The following ASB3 variants were observed in gnomAD, a reference collection of about 807,000 sequenced individuals.
The protein encoded by ASB3 is ankyrin repeat and SOCS box containing 3.
ASB3 carries 41 observed loss-of-function variants against 54.5 expected under a neutral mutation model. That is an observed-to-expected ratio of 0.75 (90% confidence interval 0.59 to 0.98). The LOEUF (loss-of-function observed/expected upper bound fraction) is 0.98. Ranked by LOEUF, ASB3 falls within the 50% of genes least tolerant of loss-of-function variation. The pLI, the probability that ASB3 is intolerant of heterozygous loss-of-function variation, is 0.00. For missense variants in ASB3, 733 were observed against 620.0 expected (o/e 1.18, Z -1.94); for synonymous variants, 266 against 221.2 (o/e 1.20, Z -1.80).
At chr2:53,678,053 C>T (rs1668174628) in intron 9 of ASB3, among the ~76,000 whole-genome samples, 1 of 151,656 alleles carries the variant, frequency 6.6e-6, no homozygotes, top group African/African-American at 2.4e-5. Flanking sequence ...GTTTTGTATG[C>T]TTATGTTGAT....
At chr2:53,758,876 G>C (rs1012827079) in intron 2 of ASB3, among the ~76,000 whole-genome samples, 7 of 152,194 alleles carry the variant, frequency 4.6e-5, no homozygotes, top group African/African-American at 1.7e-4. Flanking sequence ...ATATATTCTG[G>C]AGAATTCGGC....
chr2:53,673,258 T>C (rs1480634162), intron 9 of ASB3, among the ~76,000 whole-genome samples: 1 of 152,184 alleles, frequency 6.6e-6, no homozygotes, highest in Non-Finnish European at 1.5e-5. Flanking sequence ...CTTAGGAACA[T>C]GAATACTTAC....
chr2:53,711,825 A>G (rs1164285176), intron 7 of ASB3, among the ~76,000 whole-genome samples: 1 of 151,950 alleles, frequency 6.6e-6, no homozygotes, highest in Non-Finnish European at 1.5e-5. Context: ...GGGTCACTTC[A>G]CCAAGTTACC....
At chr2:53,697,517 C>T (rs1316607641) in intron 8 of ASB3, among the ~76,000 whole-genome samples, 1 of 152,084 alleles carries the variant, frequency 6.6e-6, no homozygotes, top group African/African-American at 2.4e-5. Flanking sequence ...GATTGGGACC[C>T]CTTTCCAGTA....
chr2:53,691,962 T>G (rs1446902884), intron 9 of ASB3, among the ~76,000 whole-genome samples: 1 of 151,856 alleles, frequency 6.6e-6, no homozygotes, highest in Non-Finnish European at 1.5e-5. Context: ...AACACAAGAG[T>G]CACTGTGGAT....
At chr2:53,717,790 C>T (rs1362086205) in intron 5 of ASB3, among the ~76,000 whole-genome samples, 2 of 152,010 alleles carry the variant, frequency 1.3e-5, no homozygotes, top group South Asian at 2.1e-4. Context: ...CACAAAGAAA[C>T]TTCTAAAGCA....
intron 1 of ASB3, among the ~76,000 whole-genome samples, chr2:53,772,463 C>T (rs1372358229): frequency 6.6e-6 from 1 of 151,978 alleles, no homozygotes; most frequent in Non-Finnish European, 1.5e-5. Context: ...CATGAGCCAC[C>T]GCGCCCAGCC....
At chr2:53,727,768 C>A (rs1671087080) in intron 5 of ASB3, among the ~76,000 whole-genome samples, 2 of 152,130 alleles carry the variant, frequency 1.3e-5, no homozygotes, top group South Asian at 2.1e-4. Context: ...CTCTGTTGCC[C>A]AGGCTGGAGT....
At chr2:53,783,996 T>C (rs1299319075) in intron 1 of ASB3, among the ~76,000 whole-genome samples, 1 of 152,180 alleles carries the variant, frequency 6.6e-6, no homozygotes, top group Non-Finnish European at 1.5e-5. Flanking sequence ...CTAAATTACA[T>C]GTGTGAGAGC....
chr2:53,785,590 C>A lies in ASB3; in HGVS notation c.-14+1231G>T, dbSNP rs149048831. 7.8e-3 allele frequency among the ~76,000 whole-genome samples: 1,184 copies of A among 152,368 alleles called. 5 individuals are homozygous for A. Among genetic ancestry groups the A allele is most frequent in the Middle Eastern group, 0.02 (6 of 294 alleles). Reference sequence around the variant, plus strand: ...AGGCACAGTGGCTCAGGCCTGTAATCCCAGCACTTTGGAAGGCCGAGGAGG... The same window carrying A: ...AGGCACAGTGGCTCAGGCCTGTAATACCAGCACTTTGGAAGGCCGAGGAGG... On this transcript the variant is annotated intron_variant, in intron 1 of 9. Coordinates refer to ENST00000263634, the MANE Select transcript of ASB3 (RefSeq NM_016115.5).
At chr2:53,711,765 C>T (rs1188717217) in intron 7 of ASB3, among the ~76,000 whole-genome samples, 1 of 151,186 alleles carries the variant, frequency 6.6e-6, no homozygotes, top group Non-Finnish European at 1.5e-5. Flanking sequence ...CACAGCGAGA[C>T]AGTCTCAAAA....
intron 6 of ASB3, among the ~76,000 whole-genome samples, chr2:53,716,176 C>T (rs1670377534): frequency 1.3e-5 from 2 of 152,268 alleles, no homozygotes; most frequent in African/African-American, 2.4e-5. Context: ...CTCCAACAGG[C>T]ATCACAAACT....
intron 2 of ASB3, among the ~76,000 whole-genome samples, chr2:53,751,608 T>C (rs917789648): frequency 2.0e-5 from 3 of 152,056 alleles, no homozygotes; most frequent in Admixed American, 2.0e-4. Context: ...ATGCCCATTA[T>C]AGAAAGATGG....
At chr2:53,761,806 T>A (rs564005980) in intron 2 of ASB3, among the ~76,000 whole-genome samples, 1 of 152,314 alleles carries the variant, frequency 6.6e-6, no homozygotes, top group South Asian at 2.1e-4. Context: ...CAAACAGTAA[T>A]TGCACTTCTA....
chr2:53,775,562 A>G (rs1171955304), intron 1 of ASB3, among the ~76,000 whole-genome samples: 1 of 151,978 alleles, frequency 6.6e-6, no homozygotes, highest in Non-Finnish European at 1.5e-5. Context: ...TGCAGCCTTC[A>G]CCTCCCAGGT....
chr2:53,705,053 A>C (rs987570471), intron 7 of ASB3, among the ~76,000 whole-genome samples: 20 of 152,186 alleles, frequency 1.3e-4, no homozygotes, highest in African/African-American at 4.6e-4. Flanking sequence ...AAATTCCCAC[A>C]ATCAAATTCT....
rs978137940 is a variant in ASB3 at position 53,765,563 on chromosome 2, T to G, written c.10A>C (p.Thr4Pro). Residue 4 changes from threonine to proline, a missense_variant, in exon 2 of 10, where the codon ACA (threonine) becomes CCA (proline). Transcript: ENST00000263634. ...GAGCACGTGTCCGCGTAAGCCTCTG[T>G]AAAATCCATTTGTTTGACCAGTCTA... MDF[T>P]EAYADTCSTV... 1 of 1,614,196 alleles carries G rather than the reference T, an allele frequency of 6.2e-7. No homozygotes were observed. Among genetic ancestry groups the G allele is most frequent in the Non-Finnish European group, 8.5e-7 (1 of 1,180,034 alleles).
At chr2:53,682,808 T>A (rs1668447134) in intron 9 of ASB3, among the ~76,000 whole-genome samples, 1 of 152,204 alleles carries the variant, frequency 6.6e-6, no homozygotes, top group Non-Finnish European at 1.5e-5. Flanking sequence ...AATGCGCCAA[T>A]TTTTGTATGT....
At chr2:53,737,042 G>A (rs938833847) in intron 3 of ASB3, among the ~76,000 whole-genome samples, 22 of 152,068 alleles carry the variant, frequency 1.4e-4, no homozygotes, top group South Asian at 4.1e-4. Flanking sequence ...AGATTCCCTC[G>A]CCAAATTGAA....
Sources: gnomAD v4.1 joint callset for allele counts (sites outside exome capture counted in the v4.1 genomes callset) on GRCh38, gnomAD v4.1.1 for gene constraint, MANE v1.5 for transcripts, NCBI Gene and HGNC (gene_info 2026-07-23, HGNC 2026-07-21) for gene names.